Variants in REXO5 observed in about 807,000 individuals in gnomAD.
REXO5 encodes the protein exonuclease NEF-sp.
Under a neutral mutation model 88.5 loss-of-function variants are expected in REXO5, and 48 were observed. The ratio of observed to expected loss-of-function variants is 0.54; its 90% CI spans 0.43 to 0.69. REXO5 has a LOEUF of 0.69. Ranked by LOEUF, REXO5 falls within the 30% of genes least tolerant of loss-of-function variation. The pLI is 0.00. For synonymous variants in REXO5, 311 were observed against 336.5 expected, an observed-to-expected ratio of 0.92 and a Z score of 0.83; for missense variants, 749 against 912.2, an observed-to-expected ratio of 0.82 and a Z score of 2.30.
At chr16:20,818,933 C>T (rs972795478) in intron 5 of REXO5, among the ~76,000 whole-genome samples, 1 of 152,208 alleles carries the variant, frequency 6.6e-6, no homozygotes, top group African/African-American at 2.4e-5. Flanking sequence ...GCTTTACCTC[C>T]ACCAACCCCT....
intron 2 of REXO5, among the ~76,000 whole-genome samples, chr16:20,808,459 T>G (rs2080944985): frequency 6.6e-6 from 1 of 151,986 alleles, no homozygotes; most frequent in Admixed American, 6.6e-5. Flanking sequence ...TATTCATTGG[T>G]TTTTATTGTC....
At chr16:20,817,796 C>T (rs112413761) in intron 5 of REXO5, among the ~76,000 whole-genome samples, 4 of 152,260 alleles carry the variant, frequency 2.6e-5, no homozygotes, top group African/African-American at 7.2e-5. Context: ...CCAAGTTTAC[C>T]TATTAGTTTT....
At chr16:20,822,646 C>T (rs1027298437) in intron 6 of REXO5, among the ~76,000 whole-genome samples, 2 of 152,198 alleles carry the variant, frequency 1.3e-5, no homozygotes, top group Non-Finnish European at 2.9e-5. Context: ...CTGGGTATTT[C>T]CTGTAAGTGG....
chr16:20,838,372 T>A (rs1284179704), intron 13 of REXO5, among the ~76,000 whole-genome samples: 3 of 152,224 alleles, frequency 2.0e-5, no homozygotes, highest in Non-Finnish European at 4.4e-5. Flanking sequence ...TATAACTTTT[T>A]TATTTTGCAG....
In REXO5 at chr16:20,839,739, G is replaced by C. The variant is rs756584423; in HGVS notation, c.1384-16G>C. 2 of 1,580,810 alleles carry C rather than the reference G, an allele frequency of 1.3e-6. No individual in the cohort carries two copies. The highest frequency in any genetic ancestry group is 1.7e-6 in the Non-Finnish European group (2 of 1,151,488). On this transcript the variant is annotated splice_polypyrimidine_tract_variant and intron_variant, in intron 13 of 19. Coordinates refer to ENST00000261377, the MANE Select transcript of REXO5 (RefSeq NM_030941.3). ...ATGAGGTTCCTACCTTATCCAGGCT[G>C]TGCTGTTCTCTACAGGTTCTTGAGC...
rs202010371 is a variant in REXO5 at position 20,833,138 on chromosome 16, G to A, written c.1383+15G>A. On this transcript the variant is annotated intron_variant, in intron 13 of 19. Transcript: ENST00000261377. ...CAAATAAAGAGGTGAGTGGCCTGCT[G>A]AACCTTTGCAGGTTATATTCAAAGC... 3.7e-6 allele frequency: 6 copies of A among 1,611,232 alleles called. No homozygotes were observed. The highest frequency in any genetic ancestry group is 5.1e-6 in the Non-Finnish European group (6 of 1,178,086).
intron 9 of REXO5, 66 bp from the exon 10 acceptor site, chr16:20,827,287 C>G: frequency 6.3e-7 from 1 of 1,599,482 alleles, no homozygotes; most frequent in Non-Finnish European, 8.6e-7. Flanking sequence ...CTCTCCCACC[C>G]TGCTAGCCCA....
chr16:20,840,369 T>G lies in REXO5; in HGVS notation c.1527T>G (p.Ala509=). Residue 509 remains alanine (A), a synonymous_variant, in exon 15 of 20, where the codon GCT becomes GCG. Transcript: ENST00000261377. ...GGACAGAGATATCAACTGTCTATGCTGGGCCATTTAGCAAAAATTGCAATC... is the reference window on the plus strand; with the variant it reads ...GGACAGAGATATCAACTGTCTATGCGGGGCCATTTAGCAAAAATTGCAATC... The part of the protein sequence containing the change: ...IKWTEISTVY[A]GPFSKNCNLR... 6.3e-7 allele frequency: 1 copy of G among 1,583,534 alleles called. No individual in the cohort carries two copies. The highest frequency in any genetic ancestry group is 8.6e-7 in the Non-Finnish European group (1 of 1,157,704).
chr16:20,838,626 C>A (rs978167747), intron 13 of REXO5, among the ~76,000 whole-genome samples: 2 of 152,186 alleles, frequency 1.3e-5, no homozygotes, highest in African/African-American at 4.8e-5. Flanking sequence ...GTCCCTACTT[C>A]TTTTCAGAGC....
chr16:20,821,309 C>T (rs765095945), intron 5 of REXO5, among the ~76,000 whole-genome samples: 30 of 151,944 alleles, frequency 2.0e-4, no homozygotes, highest in Non-Finnish European at 4.0e-4. Context: ...TGTTTTGAGA[C>T]GGAGTCTCGC....
At chr16:20,838,514 C>T (rs1203409945) in intron 13 of REXO5, among the ~76,000 whole-genome samples, 1 of 152,114 alleles carries the variant, frequency 6.6e-6, no homozygotes, top group Non-Finnish European at 1.5e-5. Context: ...AAGACCTTCA[C>T]CAATCAGCCT....
chr16:20,835,943 G>A (rs2081422025), intron 13 of REXO5, among the ~76,000 whole-genome samples: 1 of 152,094 alleles, frequency 6.6e-6, no homozygotes, highest in South Asian at 2.1e-4. Context: ...AGGAGGCTGA[G>A]ATGGGAGGAT....
rs770012642 is a variant in REXO5 at position 20,846,246 on chromosome 16, T to C, written c.2150T>C (p.Ile717Thr). The change falls in exon 19 of 20, where the codon ATA becomes ACA. Residue 717 changes from isoleucine (I) to threonine (T), a missense_variant. Ile to Thr is a moderately conservative substitution (Grantham distance 89). Transcript: ENST00000261377. Reference protein sequence around the residue: ...LQTLKLDHPKIAAWRWSRKIG... With the variant: ...LQTLKLDHPKTAAWRWSRKIG... Reference sequence around the variant, plus strand: ...ACTCTGAAACTGGACCACCCGAAGATAGCAGCCTGGCGCTGGAGCCGGAAG... The same window carrying C: ...ACTCTGAAACTGGACCACCCGAAGACAGCAGCCTGGCGCTGGAGCCGGAAG... 2.4e-5 allele frequency: 39 copies of C among 1,613,834 alleles called. No homozygotes were observed. The highest frequency in any genetic ancestry group is 3.1e-5 in the Non-Finnish European group (36 of 1,179,904).
At chr16:20,817,980 T>C (rs2152501952) in intron 5 of REXO5, among the ~76,000 whole-genome samples, 1 of 152,300 alleles carries the variant, frequency 6.6e-6, no homozygotes, top group Admixed American at 6.5e-5. Flanking sequence ...TCATATTCCC[T>C]CTTGTTGGTG....
In REXO5 at chr16:20,806,971, A is replaced by G; in HGVS notation, c.18A>G (p.Glu6=). 1 of 1,595,526 alleles carries G rather than the reference A, an allele frequency of 6.3e-7. No homozygotes were observed. Among genetic ancestry groups the G allele is most frequent in the East Asian group, 2.3e-5 (1 of 44,196 alleles). MEPER[E]GTERHPRKVR... The stretch of plus-strand genomic sequence containing the variant: ...CCACAGCCATGGAGCCAGAGAGGGA[A>G]GGGACCGAGAGACACCCCAGGAAGG... The change falls in exon 2 of 20, where the codon GAA becomes GAG. Residue 6 remains glutamate (E), a synonymous_variant. Transcript: ENST00000261377.
intron 3 of REXO5, 120 bp downstream of exon 3, chr16:20,813,422 T>C: frequency 1.6e-6 from 1 of 610,676 alleles, no homozygotes; most frequent in Non-Finnish European, 2.8e-6. Context: ...ATCGACAGTA[T>C]TTTTTTGCTA....
At chr16:20,825,783 A>C (rs1219543871) in intron 7 of REXO5, 50 bp from the exon 8 acceptor site, 4 of 1,294,410 alleles carry the variant, frequency 3.1e-6, no homozygotes, top group African/African-American at 2.9e-5. Context: ...TAGTAAGAAG[A>C]AGCAATAACT....
intron 12 of REXO5, among the ~76,000 whole-genome samples, chr16:20,832,493 CAAAAAAAAAA>C (rs199601332): frequency 8.3e-6 from 1 of 120,484 alleles, no homozygotes; most frequent in Non-Finnish European, 1.8e-5. Flanking sequence ...TATCCTTGAT[CAAAAAAAAAA>C]AAAAGAAAAA....
At chr16:20,819,214 C>T (rs1326303548) in intron 5 of REXO5, among the ~76,000 whole-genome samples, 1 of 152,044 alleles carries the variant, frequency 6.6e-6, no homozygotes, top group African/African-American at 2.4e-5. Flanking sequence ...TCCACCTGCG[C>T]ATATCTTTAT....
Sources: gnomAD v4.1 joint callset for allele counts (sites outside exome capture counted in the v4.1 genomes callset) on GRCh38, gnomAD v4.1.1 for gene constraint, MANE v1.5 for transcripts, NCBI Gene and HGNC (gene_info 2026-07-23, HGNC 2026-07-21) for gene names.